Variants in LRRC4C observed in about 807,000 individuals in gnomAD.
LRRC4C encodes leucine rich repeat containing 4C.
A neutral mutation model predicts 33.6 loss-of-function variants in LRRC4C; 5 were observed. The observed-to-expected ratio is 0.15, with a 90% confidence interval of 0.08 to 0.31. The LOEUF (loss-of-function observed/expected upper bound fraction) is 0.31. Among genes scored for constraint, LRRC4C ranks in the 10% least tolerant of loss-of-function variants. The pLI is 1.00. For missense variants in LRRC4C, 560 were observed against 796.7 expected, an observed-to-expected ratio of 0.70 and a Z score of 3.58; for synonymous variants, 329 against 302.0, an observed-to-expected ratio of 1.09 and a Z score of -0.93.
chr11:40,839,911 ACT>A (rs774113689), intron 2 of LRRC4C, among the ~76,000 whole-genome samples: 68 of 152,206 alleles, frequency 4.5e-4, no homozygotes, highest in Non-Finnish European at 7.4e-4. Flanking sequence ...ATAAAGACTG[ACT>A]CTTATATAAT....
chr11:40,847,781 CTTTT>C (rs34141578), intron 2 of LRRC4C, among the ~76,000 whole-genome samples: 10 of 109,648 alleles, frequency 9.1e-5, no homozygotes, highest in Admixed American at 9.3e-5. Context: ...TGGTCCTGGG[CTTTT>C]TTTTTTTTTT....
intron 1 of LRRC4C, among the ~76,000 whole-genome samples, chr11:41,023,599 A>T (rs1340964001): frequency 6.6e-6 from 1 of 151,724 alleles, no homozygotes; most frequent in Non-Finnish European, 1.5e-5. Context: ...GCTTAGGAAC[A>T]GTGATAAGGT....
At chr11:40,911,744 C>G (rs1431914214) in intron 2 of LRRC4C, among the ~76,000 whole-genome samples, 5 of 152,136 alleles carry the variant, frequency 3.3e-5, no homozygotes, top group Non-Finnish European at 7.4e-5. Flanking sequence ...GATCAAACTA[C>G]TCTGAGCTAA....
chr11:41,090,315 G>T (rs1202284248), intron 1 of LRRC4C, among the ~76,000 whole-genome samples: 3 of 151,988 alleles, frequency 2.0e-5, no homozygotes, highest in African/African-American at 7.2e-5. Context: ...ACATCTCACA[G>T]CGTTTATTTC....
At chr11:40,209,567 G>A (rs574035257) in intron 5 of LRRC4C, among the ~76,000 whole-genome samples, 3 of 152,018 alleles carry the variant, frequency 2.0e-5, no homozygotes, top group Non-Finnish European at 4.4e-5. Flanking sequence ...TTTTGAGATG[G>A]AGTCTCGCTC....
intron 3 of LRRC4C, among the ~76,000 whole-genome samples, chr11:40,398,682 C>A (rs1322982230): frequency 2.0e-5 from 3 of 151,994 alleles, no homozygotes; most frequent in East Asian, 3.9e-4. Context: ...GTAGTTAAAT[C>A]AAGCTTAAAA....
intron 1 of LRRC4C, among the ~76,000 whole-genome samples, chr11:41,271,487 T>C (rs969986965): frequency 3.9e-5 from 6 of 152,134 alleles, no homozygotes; most frequent in Non-Finnish European, 7.4e-5. Flanking sequence ...TTTTTGCTTA[T>C]TGCAGGGCTG....
intron 3 of LRRC4C, among the ~76,000 whole-genome samples, chr11:40,430,523 T>A (rs1217933846): frequency 6.6e-6 from 1 of 152,130 alleles, no homozygotes; most frequent in Non-Finnish European, 1.5e-5. Context: ...GACGAACCCA[T>A]TTGAACTTCT....
intron 2 of LRRC4C, among the ~76,000 whole-genome samples, chr11:40,703,199 T>A (rs187157885): frequency 3.9e-4 from 59 of 152,054 alleles, no homozygotes; most frequent in African/African-American, 1.3e-3. Flanking sequence ...ATGCCAAATA[T>A]CCTACAATGC....
intron 1 of LRRC4C, among the ~76,000 whole-genome samples, chr11:41,414,965 C>T (rs550116751): frequency 6.6e-6 from 1 of 152,224 alleles, no homozygotes; most frequent in South Asian, 2.1e-4. Context: ...AATATAGCAC[C>T]TTTCCTCTTC....
rs543775574 is a variant in LRRC4C, at chr11:40,427,538, C to G, written c.-269-107817G>C. Among the ~76,000 whole-genome samples, 324 of 150,126 alleles carry G rather than the reference C, an allele frequency of 2.2e-3. 1 individual carries two copies. The highest frequency in any genetic ancestry group is 3.6e-3 in the Non-Finnish European group (241 of 67,376). On this transcript the variant is annotated intron_variant, in intron 3 of 6. Transcript: ENST00000528697. ...ATAAAATAAAGCTGAATCACAAATTCTCAGGTAGGCCAGGCACAGTGGCTC... is the reference window on the plus strand; with the variant it reads ...ATAAAATAAAGCTGAATCACAAATTGTCAGGTAGGCCAGGCACAGTGGCTC...
intron 2 of LRRC4C, among the ~76,000 whole-genome samples, chr11:40,855,164 T>G (rs1405788888): frequency 2.0e-5 from 3 of 152,224 alleles, no homozygotes; most frequent in African/African-American, 7.2e-5. Context: ...ATACTTCTTT[T>G]CTTCCTTGTG....
intron 1 of LRRC4C, among the ~76,000 whole-genome samples, chr11:41,424,776 T>C (rs1364273071): frequency 6.6e-6 from 1 of 152,096 alleles, no homozygotes; most frequent in Non-Finnish European, 1.5e-5. Flanking sequence ...CAAAAAGCTA[T>C]CTTGAGAGTC....
intron 1 of LRRC4C, among the ~76,000 whole-genome samples, chr11:40,982,617 A>G (rs1852621357): frequency 6.6e-6 from 1 of 152,192 alleles, no homozygotes; most frequent in Non-Finnish European, 1.5e-5. Context: ...CCCTTTGAAT[A>G]GCAAGAAATT....
In LRRC4C at chr11:41,152,175, C is replaced by T. The variant is rs189164899; in HGVS notation, c.-495-218452G>A. 1.2e-4 allele frequency among the ~76,000 whole-genome samples: 19 copies of T among 152,284 alleles called. 1 individual carries two copies. Among genetic ancestry groups the T allele is most frequent in the South Asian group, 6.2e-4 (3 of 4,830 alleles). On this transcript the variant is annotated intron_variant, in intron 1 of 6. Transcript: ENST00000528697. ...TGCTGATGTTACTAGCTCCCAGGGA[C>T]GGCACCAGCCTTTATGGATTCCTTG... is the stretch of plus-strand genomic sequence containing the variant.
intron 1 of LRRC4C, among the ~76,000 whole-genome samples, chr11:41,221,756 C>G (rs1010451817): frequency 2.0e-5 from 3 of 152,104 alleles, no homozygotes; most frequent in African/African-American, 7.2e-5. Flanking sequence ...TTTATACTTG[C>G]AAGATATACA....
intron 1 of LRRC4C, among the ~76,000 whole-genome samples, chr11:41,313,559 C>T (rs924588965): frequency 9.2e-5 from 14 of 152,084 alleles, no homozygotes; most frequent in African/African-American, 3.4e-4. Flanking sequence ...TTTTGTCTGC[C>T]ACTCTTGAGA....
At chr11:40,203,332 C>A (rs534810361) in intron 5 of LRRC4C, among the ~76,000 whole-genome samples, 1 of 152,246 alleles carries the variant, frequency 6.6e-6, no homozygotes, top group East Asian at 1.9e-4. Context: ...ATCTGAAAGC[C>A]TTTTAAGAGC....
rs1160584580 is a variant in LRRC4C at position 40,587,248 on chromosome 11, G to A, written c.-270+60894C>T. On this transcript the variant is annotated intron_variant, in intron 3 of 6. Transcript: ENST00000528697. ...TTCTCTTTGAAGCAATTGTGAATGG[G>A]AGTTCACTCATGATTTGGCTCTCTG... Among the ~76,000 whole-genome samples, 476 of 147,606 alleles carry A rather than the reference G, an allele frequency of 3.2e-3. 4 individuals are homozygous for A. The highest frequency in any genetic ancestry group is 0.014 in the Middle Eastern group (4 of 292).
Sources: allele counts gnomAD v4.1 joint callset (sites outside exome capture counted in the v4.1 genomes callset), GRCh38; gene constraint gnomAD v4.1.1; transcripts MANE v1.5; gene names NCBI Gene and HGNC (gene_info 2026-07-23, HGNC 2026-07-21).